The following ASIC2 variants were observed in gnomAD, a reference collection of about 807,000 sequenced individuals.
ASIC2 encodes acid sensing ion channel subunit 2.
A neutral mutation model predicts 57.3 loss-of-function variants in ASIC2; 25 were observed. The ratio of observed to expected loss-of-function variants is 0.44; its 90% CI spans 0.32 to 0.61. ASIC2 has a LOEUF of 0.61. Among genes scored for constraint, ASIC2 ranks in the 20% least tolerant of loss-of-function variants. ASIC2 has a pLI of 0.06. For synonymous variants in ASIC2, 319 were observed against 307.5 expected, an observed-to-expected ratio of 1.04 and a Z score of -0.39; for missense variants, 641 against 738.1, an observed-to-expected ratio of 0.87 and a Z score of 1.52.
At chr17:34,140,476 C>CT (rs1335200890) in intron 1 of ASIC2, among the ~76,000 whole-genome samples, 1 of 152,148 alleles carries the variant, frequency 6.6e-6, no homozygotes, top group Non-Finnish European at 1.5e-5. Flanking sequence ...CAACTCAGAT[C>CT]TTGGTTCTAA....
At chr17:34,097,568 T>C (rs1910592458) in intron 1 of ASIC2, among the ~76,000 whole-genome samples, 1 of 152,176 alleles carries the variant, frequency 6.6e-6, no homozygotes, top group South Asian at 2.1e-4. Flanking sequence ...GGGCTGATGT[T>C]CTTGTGAGAG....
chr17:33,366,194 A>G (rs1299435987), intron 1 of ASIC2, among the ~76,000 whole-genome samples: 1 of 152,150 alleles, frequency 6.6e-6, no homozygotes, highest in Non-Finnish European at 1.5e-5. Flanking sequence ...ATTGATTCTT[A>G]GAGATGATCT....
intron 1 of ASIC2, among the ~76,000 whole-genome samples, chr17:33,457,992 G>A (rs1300343075): frequency 6.6e-6 from 1 of 152,178 alleles, no homozygotes; most frequent in Non-Finnish European, 1.5e-5. Flanking sequence ...CATAAATGCT[G>A]TGGTAGAGGA....
At chr17:33,255,498 T>C (rs565547871) in intron 1 of ASIC2, among the ~76,000 whole-genome samples, 52 of 151,540 alleles carry the variant, frequency 3.4e-4, no homozygotes, top group Non-Finnish European at 6.3e-4. Context: ...AACAGGTGAC[T>C]ATATGCTTAC....
At chr17:34,077,354 G>A (rs1909707360) in intron 1 of ASIC2, among the ~76,000 whole-genome samples, 1 of 152,182 alleles carries the variant, frequency 6.6e-6, no homozygotes, top group African/African-American at 2.4e-5. Flanking sequence ...CTGCGCTCAT[G>A]GTCCTTGTGA....
intron 1 of ASIC2, among the ~76,000 whole-genome samples, chr17:33,984,034 G>T (rs1905722976): frequency 6.6e-6 from 1 of 152,138 alleles, no homozygotes; most frequent in Admixed American, 6.5e-5. Flanking sequence ...ACCTTTTCAT[G>T]CTCTTTTCTA....
At chr17:33,478,865 A>G (rs1282436946) in intron 1 of ASIC2, among the ~76,000 whole-genome samples, 4 of 152,196 alleles carry the variant, frequency 2.6e-5, no homozygotes, top group African/African-American at 9.7e-5. Flanking sequence ...AATTCTTTTG[A>G]AAGTTATTCT....
In ASIC2 at chr17:33,028,316, A is replaced by G; in HGVS notation, c.1064T>C (p.Ile355Thr). The change falls in exon 4 of 10, where the codon ATC (isoleucine) becomes ACC (threonine). Residue 355 changes from isoleucine (I) to threonine (T), a missense_variant. Around this residue, in one of 3 missense-constraint regions of ASIC2, gnomAD observed 252 missense variants for 319.8 expected, o/e 0.79. Coordinates refer to ENST00000225823, the MANE Select transcript of ASIC2 (RefSeq NM_183377.2). ...MGLDFFPVYS[I>T]TACRIDCETR... ...CTCACAGTCAATCCTACAGGCGGTG[A>G]TGCTGTAAACAGGAAAAAAGTCGAG... The G allele has an allele frequency of 6.2e-7, 1 of 1,614,172 alleles. No individual in the cohort carries two copies. The highest frequency in any genetic ancestry group is 8.5e-7 in the Non-Finnish European group (1 of 1,180,040).
At chr17:33,436,719 C>T (rs1013305257) in intron 1 of ASIC2, among the ~76,000 whole-genome samples, 13 of 152,074 alleles carry the variant, frequency 8.5e-5, no homozygotes, top group South Asian at 2.1e-4. Flanking sequence ...CTTTCTTTAC[C>T]GCAATACCAC....
chr17:34,086,800 T>C (rs527252872), intron 1 of ASIC2, among the ~76,000 whole-genome samples: 1 of 152,338 alleles, frequency 6.6e-6, no homozygotes, highest in East Asian at 1.9e-4. Flanking sequence ...GTAATGGCCT[T>C]CTTTGTCTCT....
chr17:33,856,445 T>C (rs543621606), intron 1 of ASIC2, among the ~76,000 whole-genome samples: 15 of 148,360 alleles, frequency 1.0e-4, no homozygotes, highest in African/African-American at 2.4e-4. Context: ...AGGGTGGTAG[T>C]AGTAGTAATA....
intron 1 of ASIC2, among the ~76,000 whole-genome samples, chr17:33,172,945 T>TCCTG (rs374200328): frequency 3.2e-4 from 48 of 152,130 alleles, no homozygotes; most frequent in African/African-American, 1.1e-3. Context: ...AGAGCTAGAA[T>TCCTG]CCTGGCTGCT....
chr17:34,011,164 C>T (rs1199059567), intron 1 of ASIC2, among the ~76,000 whole-genome samples: 1 of 151,178 alleles, frequency 6.6e-6, no homozygotes, highest in African/African-American at 2.4e-5. Context: ...CATAGAGATG[C>T]CTCCAGTCAA....
chr17:33,232,222 G>A (rs778511580), intron 1 of ASIC2, among the ~76,000 whole-genome samples: 3 of 152,056 alleles, frequency 2.0e-5, no homozygotes, highest in East Asian at 1.9e-4. Context: ...TCCTTTTCCC[G>A]TGCCATGCAA....
chr17:33,470,251 A>C (rs7207388), intron 1 of ASIC2, among the ~76,000 whole-genome samples: 28,231 of 152,078 alleles, frequency 0.19, 2,842 homozygotes, highest in Middle Eastern at 0.25. Context: ...AAGTCTCTAA[A>C]CTAATGCTTG....
intron 1 of ASIC2, among the ~76,000 whole-genome samples, chr17:33,832,616 T>C (rs138144275): frequency 6.6e-6 from 1 of 152,190 alleles, no homozygotes; most frequent in African/African-American, 2.4e-5. Context: ...AAGCTCCAAA[T>C]CTTTAGCAAT....
At chr17:34,007,292 T>G (rs560100972) in intron 1 of ASIC2, among the ~76,000 whole-genome samples, 52 of 152,362 alleles carry the variant, frequency 3.4e-4, no homozygotes, top group Admixed American at 1.8e-3. Flanking sequence ...AGGGAGCCTT[T>G]GAACTCATCT....
chr17:33,204,360 A>T (rs1429711804), intron 1 of ASIC2, among the ~76,000 whole-genome samples: 1 of 152,192 alleles, frequency 6.6e-6, no homozygotes, highest in Non-Finnish European at 1.5e-5. Flanking sequence ...AGCCTGGCAG[A>T]GTATGAGGAG....
intron 1 of ASIC2, among the ~76,000 whole-genome samples, chr17:33,521,098 C>G (rs542011124): frequency 6.6e-6 from 1 of 152,110 alleles, no homozygotes; most frequent in Non-Finnish European, 1.5e-5. Context: ...GTTCAATAAC[C>G]TCAAGGCAGT....
Sources: allele counts gnomAD v4.1 joint callset (sites outside exome capture counted in the v4.1 genomes callset), GRCh38; gene constraint gnomAD v4.1.1; regional missense constraint gnomAD v4.1.1; transcripts MANE v1.5; gene names NCBI Gene and HGNC (gene_info 2026-07-23, HGNC 2026-07-21).